Variants in GALNT16 observed in about 807,000 individuals in gnomAD.
GALNT16 encodes polypeptide N-acetylgalactosaminyltransferase 16.
GALNT16 carries 40 observed loss-of-function variants against 76.1 expected under a neutral mutation model. That is an observed-to-expected ratio of 0.53 (90% confidence interval 0.41 to 0.68). The LOEUF (loss-of-function observed/expected upper bound fraction) is 0.68, where lower values mean the gene tolerates loss of function less well. GALNT16 is among the 30% of genes least tolerant of loss of function. The pLI, the probability that GALNT16 is intolerant of heterozygous loss-of-function variation, is 0.00. For missense variants in GALNT16, 621 were observed against 731.9 expected (o/e 0.85, Z 1.75); for synonymous variants, 276 against 285.2 (o/e 0.97, Z 0.32).
intron 1 of GALNT16, among the ~76,000 whole-genome samples, chr14:69,281,790 A>G (rs2044545452): frequency 6.6e-6 from 1 of 152,144 alleles, no homozygotes; most frequent in Non-Finnish European, 1.5e-5. Flanking sequence ...GCCTGTATTG[A>G]AGAACCCAAT....
intron 1 of GALNT16, among the ~76,000 whole-genome samples, chr14:69,284,199 C>T (rs1204256204): frequency 6.6e-6 from 1 of 152,180 alleles, no homozygotes; most frequent in Non-Finnish European, 1.5e-5. Flanking sequence ...GGGATGCCTG[C>T]TCTTCAGGCA....
the GALNT16 span, among the ~76,000 whole-genome samples, chr14:69,372,445 G>A: frequency 3.3e-5 from 5 of 151,640 alleles, no homozygotes; most frequent in African/African-American, 1.2e-4. Flanking sequence ...TTCACACATA[G>A]GTCACAAGGC....
At chr14:69,384,966 T>G in the GALNT16 span, among the ~76,000 whole-genome samples, 18,711 of 152,152 alleles carry the variant, frequency 0.12, 1,375 homozygotes, top group Middle Eastern at 0.24. Context: ...TTCCAACTAC[T>G]TCAATTTCCT....
chr14:69,263,872 G>A (rs973806797), intron 1 of GALNT16, among the ~76,000 whole-genome samples: 1 of 152,232 alleles, frequency 6.6e-6, no homozygotes, highest in Non-Finnish European at 1.5e-5. Context: ...GGCAAGGTTT[G>A]TGATTTTTCC....
the GALNT16 span, among the ~76,000 whole-genome samples, chr14:69,367,712 C>T: frequency 2.7e-5 from 4 of 147,068 alleles, no homozygotes; most frequent in Admixed American, 1.4e-4. Flanking sequence ...CATGGCAGCT[C>T]ACACTTATAA....
chr14:69,320,944 G>A lies in GALNT16; in HGVS notation c.335+76G>A, dbSNP rs1026858436. On this transcript the variant is annotated intron_variant, in intron 2 of 14. Transcript: ENST00000448469. ...CATTGTTTAGTTTGTCTTCTTTTAC[G>A]TGTATCTAAGAAATGAGGATGATTT... 4.2e-5 allele frequency: 57 copies of A among 1,362,910 alleles called. 1 individual carries two copies. Among genetic ancestry groups the A allele is most frequent in the Admixed American group, 1.9e-4 (10 of 53,644 alleles). 84.4% of individuals were successfully genotyped at this position (1,362,910 alleles called of 1,614,324 possible).
intron 1 of GALNT16, among the ~76,000 whole-genome samples, chr14:69,260,738 G>A (rs1594803113): frequency 6.6e-6 from 1 of 151,982 alleles, no homozygotes; most frequent in Non-Finnish European, 1.5e-5. Context: ...CGCGCGGCTG[G>A]GAACGTGGCG....
rs770742554 is a variant in GALNT16 at position 69,264,819 on chromosome 14, C to CTTTCTTTT, written c.177+4355_177+4356insCTTTTTTT. 3.1e-5 allele frequency among the ~76,000 whole-genome samples: 3 copies of CTTTCTTTT among 96,576 alleles called. 1 individual carries two copies. The East Asian group carries it at 1.3e-3, about 42-fold the overall frequency. 63.4% of individuals were successfully genotyped at this position (96,576 alleles called of 152,430 possible). A position where few individuals can be genotyped will look rare whatever the true frequency, so the allele number is the denominator to read the frequency against. On this transcript the variant is annotated intron_variant, in intron 1 of 14. Transcript: ENST00000448469. ...TTTATTTTCTCTTTTCTTTTTCTTT[C>CTTTCTTTT]TTTTTTTTTTTGGACACAGGGTCTC...
intron 1 of GALNT16, among the ~76,000 whole-genome samples, chr14:69,318,414 A>G (rs1015879625): frequency 6.6e-6 from 1 of 152,116 alleles, no homozygotes; most frequent in Non-Finnish European, 1.5e-5. Context: ...GGGCAGGGGG[A>G]ACTATCTCAG....
At chr14:69,283,931 C>T (rs1364918939) in intron 1 of GALNT16, among the ~76,000 whole-genome samples, 1 of 152,280 alleles carries the variant, frequency 6.6e-6, no homozygotes, top group Admixed American at 6.5e-5. Context: ...CATTCTAGCT[C>T]CTGTCTTCAA....
rs1418757683 is a variant in GALNT16, at chr14:69,324,732, A to G, written c.376A>G (p.Ser126Gly). 6.2e-7 allele frequency: 1 copy of G among 1,613,236 alleles called. No individual in the cohort carries two copies. The highest frequency in any genetic ancestry group is 2.2e-5 in the East Asian group (1 of 44,824). The change falls in exon 3 of 15, where the codon AGC becomes GGC. Residue 126 changes from serine (S) to glycine (G), a missense_variant. Transcript: ENST00000448469. ...CTACTCCTCGGACCTGCCAGCCACC[A>G]GCGTCATCATCACCTTCCACAATGA... is the stretch of plus-strand genomic sequence containing the variant. ...VSYSSDLPAT[S>G]VIITFHNEAR...
At chr14:69,338,590 C>T in intron 9 of GALNT16, 61 bp from the exon 10 acceptor site, 11 of 1,595,970 alleles carry the variant, frequency 6.9e-6, no homozygotes, top group Non-Finnish European at 9.4e-6. Flanking sequence ...AAGCCAGCCC[C>T]TTCCCACCCT....
At chr14:69,372,288 C>T in the GALNT16 span, among the ~76,000 whole-genome samples, 3 of 152,170 alleles carry the variant, frequency 2.0e-5, no homozygotes, top group East Asian at 5.8e-4. Context: ...TCCACAGGCT[C>T]TTGGGGCAAC....
intron 12 of GALNT16, 41 bp from the exon 13 acceptor site, chr14:69,346,998 TG>T (rs756937390): frequency 6.2e-6 from 10 of 1,612,264 alleles, no homozygotes; most frequent in South Asian, 1.1e-5. Context: ...AGGTAAGCCT[TG>T]GGGGGGAAAG....
chr14:69,303,628 A>C (rs974346604), intron 1 of GALNT16, among the ~76,000 whole-genome samples: 2 of 149,798 alleles, frequency 1.3e-5, no homozygotes, highest in African/African-American at 4.8e-5. Flanking sequence ...GTAACAACCG[A>C]AAGGATGGAA....
In GALNT16 at chr14:69,340,408, C is replaced by T. The variant is rs1364055113; in HGVS notation, c.1187+789C>T. Among the ~76,000 whole-genome samples the T allele has an allele frequency of 2.0e-5, 3 of 152,162 alleles. No homozygotes were observed. In the East Asian group the frequency reaches 5.8e-4, roughly 29 times the overall value. On this transcript the variant is annotated intron_variant, in intron 11 of 14. Transcript: ENST00000448469. The stretch of plus-strand genomic sequence containing the variant: ...CTTATAATACCTAATACAATGCCTA[C>T]ACATCACGTCATTTGCATGGATTCA...
intron 1 of GALNT16, among the ~76,000 whole-genome samples, chr14:69,281,418 A>G (rs1460316153): frequency 6.6e-6 from 1 of 152,110 alleles, no homozygotes; most frequent in African/African-American, 2.4e-5. Flanking sequence ...TCAGCTCCAG[A>G]CCTTGTTAGG....
At chr14:69,294,479 T>C (rs968959210) in intron 1 of GALNT16, among the ~76,000 whole-genome samples, 1 of 152,160 alleles carries the variant, frequency 6.6e-6, no homozygotes, top group African/African-American at 2.4e-5. Flanking sequence ...CCAAAAAAAT[T>C]CACTAGTTCT....
intron 10 of GALNT16, among the ~76,000 whole-genome samples, chr14:69,338,981 G>A (rs1366335727): frequency 3.9e-5 from 6 of 151,942 alleles, no homozygotes; most frequent in Non-Finnish European, 8.8e-5. Context: ...CTCTTGCCTT[G>A]AGACTCATAT....
Sources: allele counts gnomAD v4.1 joint callset (sites outside exome capture counted in the v4.1 genomes callset), GRCh38; gene constraint gnomAD v4.1.1; transcripts MANE v1.5; gene names NCBI Gene and HGNC (gene_info 2026-07-23, HGNC 2026-07-21).